Variants in CALHM5 observed in about 807,000 individuals in gnomAD.
CALHM5 encodes the protein calcium homeostasis modulator protein 5.
A neutral mutation model predicts 20.9 loss-of-function variants in CALHM5; 17 were observed. The observed-to-expected ratio is 0.82, with a 90% CI of 0.56 to 1.22. The LOEUF (loss-of-function observed/expected upper bound fraction) is 1.22. Ranked by LOEUF, CALHM5 falls within the 50% of genes most tolerant of loss-of-function variation. CALHM5 has a pLI of 0.00. For synonymous variants in CALHM5, 148 were observed against 140.0 expected (o/e 1.06, Z -0.40); for missense variants, 360 against 364.6 (o/e 0.99, Z 0.10).
chr6:116,514,964 A>T (rs960582683), intron 1 of CALHM5, among the ~76,000 whole-genome samples: 5 of 152,238 alleles, frequency 3.3e-5, no homozygotes, highest in African/African-American at 4.8e-5. Flanking sequence ...TGCTTTTAAG[A>T]TCCAGGGGAG....
Position 116,515,650 on chromosome 6 carries a change from C to G in CALHM5, c.591C>G (p.Thr197=), listed in dbSNP as rs777534627. The G allele has an allele frequency of 6.2e-7, 1 of 1,613,916 alleles. No individual in the cohort carries two copies. The highest frequency in any genetic ancestry group is 1.3e-5 in the African/African-American group (1 of 75,000). The change falls in exon 2 of 2, where the codon ACC becomes ACG. Residue 197 remains threonine, a synonymous_variant. Transcript: ENST00000368599. ...CAGCGTCTTTCTTCTCTCTGCTCAC[C>G]ACATGTTATGCTCGCTGCCGATCTA... The part of the protein sequence containing the change: ...ICSASFFSLL[T]TCYARCRSKV...
intron 1 of CALHM5, among the ~76,000 whole-genome samples, chr6:116,513,754 A>G (rs1348911014): frequency 6.6e-6 from 1 of 152,210 alleles, no homozygotes; most frequent in Non-Finnish European, 1.5e-5. Flanking sequence ...GAGGCGGAAA[A>G]GAACATTCAT....
At position 116,522,093 on chromosome 6, in the gene CALHM5, G is replaced by A. The variant is rs1772356409; in HGVS notation, c.*6104G>A. Reference sequence around the variant, plus strand: ...TCAGATATTCTAGCTTAGGGGTCAGGCATGTGAATGAAGGAGCCATTTTAA... The same window carrying A: ...TCAGATATTCTAGCTTAGGGGTCAGACATGTGAATGAAGGAGCCATTTTAA... On this transcript the variant is annotated 3_prime_UTR_variant, in exon 2 of 2. Coordinates refer to ENST00000368599, the MANE Select transcript of CALHM5 (RefSeq NM_153711.5). 6.6e-6 allele frequency: 1 copy of A among 152,222 alleles called. No homozygotes were observed. Among genetic ancestry groups the A allele is most frequent in the Admixed American group, 6.5e-5 (1 of 15,286 alleles). The allele number at this position is 152,222 out of a possible 1,614,324, so 9.4% of individuals were successfully genotyped here.
At position 116,515,992 on chromosome 6, in the gene CALHM5, C is replaced by T. The variant is rs2115168800; in HGVS notation, c.*3C>T. 1 of 1,579,460 alleles carries T rather than the reference C, an allele frequency of 6.3e-7. No individual in the cohort carries two copies. The highest frequency in any genetic ancestry group is 1.7e-4 in the Middle Eastern group (1 of 5,804). The stretch of plus-strand genomic sequence containing the variant: ...TGGGTACTGCCCACAATATGTAGCT[C>T]ATCCACCATCAATGACTCATGGTGT... On this transcript the variant is annotated 3_prime_UTR_variant, in exon 2 of 2. Transcript: ENST00000368599.
At position 116,511,807 on chromosome 6, in the gene CALHM5, G is replaced by T; in HGVS notation, c.111G>T (p.Val37=). ...GAAGTGAGCGTCTCTTTTCTGTTGT[G>T]GCTTTTAAGTGCCCCTGCAGCACTG... ...TVGSERLFSV[V]AFKCPCSTEN... The change falls in exon 1 of 2, where the codon GTG becomes GTT. Residue 37 remains valine (V), a synonymous_variant. Coordinates refer to ENST00000368599, the MANE Select transcript of CALHM5 (RefSeq NM_153711.5). 6.2e-7 allele frequency: 1 copy of T among 1,614,038 alleles called. No individual in the cohort carries two copies. The highest frequency in any genetic ancestry group is 1.7e-5 in the Admixed American group (1 of 59,984).
At position 116,516,237 on chromosome 6, in the gene CALHM5, T is replaced by C. The variant is rs1772222349; in HGVS notation, c.*248T>C. On this transcript the variant is annotated 3_prime_UTR_variant, in exon 2 of 2. Transcript: ENST00000368599. ...GGGGCTCAGTAGGCCTAAATGTTGC[T>C]CCAAGATCTAAGATTTTATCATTCA... The C allele has an allele frequency of 2.7e-6, 1 of 373,074 alleles. No homozygotes were observed. The highest frequency in any genetic ancestry group is 4.1e-5 in the East Asian group (1 of 24,166). 23.1% of individuals were successfully genotyped at this position (373,074 alleles called of 1,614,324 possible).
In CALHM5 at chr6:116,520,996, A is replaced by C. The variant is rs1772324515; in HGVS notation, c.*5007A>C. 6.6e-6 allele frequency: 1 copy of C among 151,932 alleles called. No homozygotes were observed. Among genetic ancestry groups the C allele is most frequent in the African/African-American group, 2.4e-5 (1 of 41,342 alleles). 9.4% of individuals were successfully genotyped at this position (151,932 alleles called of 1,614,324 possible). A position where few individuals can be genotyped will look rare whatever the true frequency, so the allele number is the denominator to read the frequency against. On this transcript the variant is annotated 3_prime_UTR_variant, in exon 2 of 2. Transcript: ENST00000368599. ...ATGTACCTGGGTCTCTCATTTTAAT[A>C]AACATAACAGTGGTATGTTAGTCAG...
Position 116,515,720 on chromosome 6 carries a change from AAGG to A in CALHM5, c.664_666del (p.Glu222del). ...GAGTTTTTGGAAGACATATGCACAA[AAGG>A]AGAAGGAGCAGTTGGAAAATACATT... On this transcript the variant is annotated inframe_deletion, in exon 2 of 2. Transcript: ENST00000368599. 2 of 1,614,032 alleles carry A rather than the reference AAGG, an allele frequency of 1.2e-6. No individual in the cohort carries two copies. Among genetic ancestry groups the A allele is most frequent in the East Asian group, 4.5e-5 (2 of 44,880 alleles).
At position 116,515,459 on chromosome 6, in the gene CALHM5, T is replaced by G. The variant is rs529666554; in HGVS notation, c.541-141T>G. 7.2e-6 allele frequency: 7 copies of G among 974,366 alleles called. No individual in the cohort carries two copies. The African/African-American group carries it at 9.8e-5, about 14-fold the overall frequency. 60.4% of individuals were successfully genotyped at this position (974,366 alleles called of 1,614,324 possible). On this transcript the variant is annotated intron_variant, in intron 1 of 1. Transcript: ENST00000368599. ...AAATTCAAAAAGTGAGTTTAAAGTGTTTAAAAATTAAGATGAATGATTTCA... is the reference window on the plus strand; with the variant it reads ...AAATTCAAAAAGTGAGTTTAAAGTGGTTAAAAATTAAGATGAATGATTTCA...
In CALHM5 at chr6:116,522,982, T is replaced by C. The variant is rs1049557973; in HGVS notation, c.*6993T>C. 4.0e-5 allele frequency: 6 copies of C among 151,518 alleles called. 1 individual carries two copies. Among genetic ancestry groups the C allele is most frequent in the African/African-American group, 1.5e-4 (6 of 41,166 alleles). The allele number at this position is 151,518 out of a possible 1,614,324, so 9.4% of individuals were successfully genotyped here. On this transcript the variant is annotated 3_prime_UTR_variant, in exon 2 of 2. Coordinates refer to ENST00000368599, the MANE Select transcript of CALHM5 (RefSeq NM_153711.5). ...AAATCATCTGGAGGGCTTATTAAAA[T>C]GTGGATTGCTGAACTCCACCCCCAG...
In CALHM5 at chr6:116,515,939, G is replaced by A. The variant is rs368164220; in HGVS notation, c.880G>A (p.Glu294Lys). The A allele has an allele frequency of 1.9e-6, 3 of 1,612,576 alleles. No homozygotes were observed. Among genetic ancestry groups the A allele is most frequent in the African/African-American group, 1.3e-5 (1 of 74,858 alleles). ...GGACAATGGTCTGCAACTTAGCCCT[G>A]AGGATGATGAGACGACAATGGTCCT... The part of the protein sequence containing the change: ...VVDNGLQLSP[E>K]DDETTMVLVG... Residue 294 changes from glutamate to lysine, a missense_variant, in exon 2 of 2, where the codon GAG becomes AAG. Physicochemically the swap from Glu to Lys is moderately conservative, Grantham distance 56 (BLOSUM62 1). Transcript: ENST00000368599.
intron 1 of CALHM5, 102 bp downstream of exon 1, chr6:116,512,338 G>T: frequency 7.8e-7 from 1 of 1,286,314 alleles, no homozygotes; most frequent in Non-Finnish European, 1.1e-6. Context: ...AGAATATTTT[G>T]AAACTAAATG....
chr6:116,512,922 A>G (rs1167333352), intron 1 of CALHM5, among the ~76,000 whole-genome samples: 2 of 152,316 alleles, frequency 1.3e-5, no homozygotes, highest in African/African-American at 4.8e-5. Flanking sequence ...CAGAAGCTCA[A>G]GATTTGGGCA....
In CALHM5 at chr6:116,521,102, G is replaced by GTA. The variant is rs1772329035; in HGVS notation, c.*5115_*5116dup. On this transcript the variant is annotated 3_prime_UTR_variant, in exon 2 of 2. Transcript: ENST00000368599. ...TATATGTGTGTGCATGTGTGTGTGTGTATGCGTGTATATATATATATGCTA... is the reference window on the plus strand; with the variant it reads ...TATATGTGTGTGCATGTGTGTGTGTGTATATGCGTGTATATATATATATGCTA... 6.6e-6 allele frequency: 1 copy of GTA among 151,488 alleles called. No homozygotes were observed. The highest frequency in any genetic ancestry group is 1.5e-5 in the Non-Finnish European group (1 of 67,952). The allele number at this position is 151,488 out of a possible 1,614,324, so 9.4% of individuals were successfully genotyped here.
At chr6:116,514,323 A>G (rs1772180687) in intron 1 of CALHM5, among the ~76,000 whole-genome samples, 1 of 152,196 alleles carries the variant, frequency 6.6e-6, no homozygotes, top group Non-Finnish European at 1.5e-5. Context: ...CAGACGATGA[A>G]GGAAGGAGGA....
rs2115164686 is a variant in CALHM5 at position 116,512,207 on chromosome 6, C to T, written c.511C>T (p.Leu171=). 1 of 1,604,346 alleles carries T rather than the reference C, an allele frequency of 6.2e-7. No individual in the cohort carries two copies. Among genetic ancestry groups the T allele is most frequent in the Non-Finnish European group, 8.5e-7 (1 of 1,178,978 alleles). The stretch of plus-strand genomic sequence containing the variant: ...CATGCTACCTACCGTCAATGAAGAA[C>T]TGAAACTCTCCCTTCAGGCCCAGTC... ...TSMLPTVNEE[L]KLSLQAQSQI... Residue 171 remains leucine, a synonymous_variant, in exon 1 of 2, where the codon CTG becomes TTG. Coordinates refer to ENST00000368599, the MANE Select transcript of CALHM5 (RefSeq NM_153711.5).
Position 116,511,861 on chromosome 6 carries a change from CTT to C in CALHM5, c.167_168del (p.Phe56CysfsTer16). 6.2e-7 allele frequency: 1 copy of C among 1,614,078 alleles called. No individual in the cohort carries two copies. The highest frequency in any genetic ancestry group is 8.5e-7 in the Non-Finnish European group (1 of 1,179,996). On this transcript the variant is annotated frameshift_variant, in exon 1 of 2. Transcript: ENST00000368599. LOFTEE classifies it high-confidence loss of function. Reference sequence around the variant, plus strand: ...ATATGACCTATGGGCTGGTTTTCCTCTTTGCTCCTGCCTGGGTGTTACTGATC... The same window carrying C: ...ATATGACCTATGGGCTGGTTTTCCTCTGCTCCTGCCTGGGTGTTACTGATC... ...ENMTYGLVFL[F>X]APAWVLLILG...
rs1772345782 is a variant in CALHM5 at position 116,521,646 on chromosome 6, T to A, written c.*5657T>A. 1 of 152,136 alleles carries A rather than the reference T, an allele frequency of 6.6e-6. No homozygotes were observed. Among genetic ancestry groups the A allele is most frequent in the Admixed American group, 6.6e-5 (1 of 15,258 alleles). 9.4% of individuals were successfully genotyped at this position (152,136 alleles called of 1,614,324 possible). A position where few individuals can be genotyped will look rare whatever the true frequency, so the allele number is the denominator to read the frequency against. On this transcript the variant is annotated 3_prime_UTR_variant, in exon 2 of 2. Coordinates refer to ENST00000368599, the MANE Select transcript of CALHM5 (RefSeq NM_153711.5). ...GATTTTCCTTACTCAGTCCACTGAT[T>A]CAAATGCCAATCTTTTTTGGAAACA...
At chr6:116,513,053 C>G (rs900434152) in intron 1 of CALHM5, among the ~76,000 whole-genome samples, 1 of 152,060 alleles carries the variant, frequency 6.6e-6, no homozygotes, top group Admixed American at 6.6e-5. Flanking sequence ...GACTAACTTC[C>G]CATTTATAGG....
Sources: gnomAD v4.1 joint callset for allele counts (sites outside exome capture counted in the v4.1 genomes callset) on GRCh38, gnomAD v4.1.1 for gene constraint, MANE v1.5 for transcripts, NCBI Gene and HGNC (gene_info 2026-07-23, HGNC 2026-07-21) for gene names.